NEU3: variants seen among roughly 807,000 people sequenced by gnomAD.
NEU3 encodes the protein sialidase-3.
In NEU3, 10 loss-of-function variants were observed where a neutral mutation model predicts 11.4. The ratio of observed to expected loss-of-function variants is 0.88; its 90% CI spans 0.54 to 1.49. NEU3 has a LOEUF of 1.49. Among genes scored for constraint, NEU3 ranks in the 40% most tolerant of loss-of-function variants. The pLI, the probability that NEU3 is intolerant of heterozygous loss-of-function variation, is 0.00. For missense variants in NEU3, 529 were observed against 581.8 expected (o/e 0.91, Z 0.93); for synonymous variants, 212 against 228.2 (o/e 0.93, Z 0.64).
chr11:75,005,421 C>T lies in NEU3; in HGVS notation c.315C>T (p.Pro105=). The part of the protein sequence containing the change: ...LRIGQLVQWG[P]LKPLMEATLP... ...CCCTTCTCCTTGTCTAGTGGGGGCC[C>T]CTGAAGCCACTGATGGAAGCCACAC... The change falls in exon 3 of 3, where the codon CCC becomes CCT. Residue 105 remains proline, a synonymous_variant. Transcript: ENST00000294064. The T allele has an allele frequency of 1.2e-6, 2 of 1,607,384 alleles. No homozygotes were observed. The highest frequency in any genetic ancestry group is 1.7e-5 in the Admixed American group (1 of 59,514).
rs1290458156 is a variant in NEU3, at chr11:74,994,707, G to A, written c.293G>A (p.Gly98Glu). 6.2e-7 allele frequency: 1 copy of A among 1,613,852 alleles called. No individual in the cohort carries two copies. Among genetic ancestry groups the A allele is most frequent in the Non-Finnish European group, 8.5e-7 (1 of 1,179,848 alleles). The change falls in exon 2 of 3, where the codon GGG (glycine) becomes GAG (glutamate). Residue 98 changes from glycine (G) to glutamate (E), a missense_variant. Gly to Glu is a moderately conservative substitution (Grantham distance 98, BLOSUM62 -2). Coordinates refer to ENST00000294064, the MANE Select transcript of NEU3 (RefSeq NM_006656.6). ...HLVLRRGLRI[G>E]QLVQWGPLKP... ...GTGCTGAGGCGAGGGTTGAGGATTG[G>A]GCAGTTGGTACAGGTGACTCTTCAT...
upstream of NEU3, among the ~76,000 whole-genome samples, chr11:74,987,005 G>T (rs562932519): frequency 2.0e-5 from 3 of 152,284 alleles, no homozygotes; most frequent in African/African-American, 7.2e-5. Context: ...AAAGTAGGAA[G>T]GGAAGAAAAG....
In NEU3 at chr11:75,006,363, T is replaced by G; in HGVS notation, c.1257T>G (p.Phe419Leu). The change falls in exon 3 of 3, where the codon TTT (phenylalanine) becomes TTG (leucine). Residue 419 changes from phenylalanine (F) to leucine (L), a missense_variant. Transcript: ENST00000294064. ...LEEEGLFGCL[F>L]ECGTKQECEQ... ...AGGAGGGCTTGTTTGGGTGTTTGTT[T>G]GAATGTGGGACCAAGCAAGAGTGTG... The G allele has an allele frequency of 5.0e-6, 8 of 1,614,010 alleles. No individual in the cohort carries two copies. Among genetic ancestry groups the G allele is most frequent in the South Asian group, 1.1e-5 (1 of 91,082 alleles).
upstream of NEU3, chr11:74,988,321 C>T (rs1787536656): frequency 6.6e-6 from 1 of 152,196 alleles, no homozygotes; most frequent in South Asian, 2.1e-4. Flanking sequence ...AGGCATAAGC[C>T]ACCAGGCCCA....
intron 2 of NEU3, among the ~76,000 whole-genome samples, chr11:75,001,847 T>A (rs933013798): frequency 6.6e-6 from 1 of 152,248 alleles, no homozygotes; most frequent in African/African-American, 2.4e-5. Context: ...GACTGCTTAA[T>A]AAGTAAGCTG....
Position 75,005,814 on chromosome 11 carries a change from C to T in NEU3, c.708C>T (p.Ile236=), listed in dbSNP as rs548397936. The T allele has an allele frequency of 6.2e-7, 1 of 1,614,022 alleles. No homozygotes were observed. Among genetic ancestry groups the T allele is most frequent in the Admixed American group, 1.7e-5 (1 of 60,026 alleles). The part of the protein sequence containing the change: ...PCKTRPHSLM[I]YSDDLGVTWH... Reference sequence around the variant, plus strand: ...AAACCAGGCCTCATTCTCTGATGATCTACAGTGATGACCTAGGGGTCACAT... The same window carrying T: ...AAACCAGGCCTCATTCTCTGATGATTTACAGTGATGACCTAGGGGTCACAT... Residue 236 remains isoleucine, a synonymous_variant, in exon 3 of 3, where the codon ATC becomes ATT. Coordinates refer to ENST00000294064, the MANE Select transcript of NEU3 (RefSeq NM_006656.6).
At position 75,007,644 on chromosome 11, in the gene NEU3, T is replaced by A. The variant is rs904944321; in HGVS notation, c.*1152T>A. The A allele has an allele frequency of 1.3e-5, 2 of 152,152 alleles. No homozygotes were observed. Among genetic ancestry groups the A allele is most frequent in the African/African-American group, 4.8e-5 (2 of 41,422 alleles). 9.4% of individuals were successfully genotyped at this position (152,152 alleles called of 1,614,324 possible). On this transcript the variant is annotated 3_prime_UTR_variant, in exon 3 of 3. Coordinates refer to ENST00000294064, the MANE Select transcript of NEU3 (RefSeq NM_006656.6). ...CCCCAGATCTCAGAATCAGGCCTAT[T>A]TGTGTAGGCCCATGGAAATCACTAC...
chr11:74,991,746 C>A (rs1214418767), intron 1 of NEU3, among the ~76,000 whole-genome samples: 1 of 152,220 alleles, frequency 6.6e-6, no homozygotes, highest in African/African-American at 2.4e-5. Flanking sequence ...TGCCTATAGG[C>A]TTTTCACATC....
At chr11:74,984,176 G>C (rs1948654042), upstream of NEU3, among the ~76,000 whole-genome samples, 1 of 152,186 alleles carries the variant, frequency 6.6e-6, no homozygotes, top group Non-Finnish European at 1.5e-5. Context: ...AATTCTTCAT[G>C]GGTCTCTAGC....
chr11:74,992,514 A>G (rs1948744043), intron 1 of NEU3, among the ~76,000 whole-genome samples: 1 of 152,220 alleles, frequency 6.6e-6, no homozygotes, highest in Non-Finnish European at 1.5e-5. Flanking sequence ...TTGAGGAAAA[A>G]GTAATTCTAA....
chr11:74,993,342 C>A (rs1165937100), intron 1 of NEU3, among the ~76,000 whole-genome samples: 3 of 152,052 alleles, frequency 2.0e-5, no homozygotes, highest in Non-Finnish European at 4.4e-5. Context: ...TAGCTGGGAC[C>A]ACAGGTGCCT....
intron 2 of NEU3, among the ~76,000 whole-genome samples, chr11:75,002,716 C>T (rs1438982165): frequency 6.6e-6 from 1 of 152,192 alleles, no homozygotes; most frequent in Non-Finnish European, 1.5e-5. Flanking sequence ...AATAGAATGT[C>T]GTCAGCATCT....
intron 2 of NEU3, among the ~76,000 whole-genome samples, chr11:74,998,095 G>A (rs1948810901): frequency 6.6e-6 from 1 of 152,184 alleles, no homozygotes; most frequent in African/African-American, 2.4e-5. Context: ...GGAATAGGCT[G>A]AAGGAAAGGA....
chr11:75,003,336 C>T (rs974593543), intron 2 of NEU3, among the ~76,000 whole-genome samples: 3 of 152,120 alleles, frequency 2.0e-5, no homozygotes, highest in Non-Finnish European at 4.4e-5. Context: ...AGTAGGATAC[C>T]CTAAGGGAAA....
the NEU3 span, among the ~76,000 whole-genome samples, chr11:74,981,115 G>T: frequency 6.6e-6 from 1 of 152,198 alleles, no homozygotes; most frequent in Non-Finnish European, 1.5e-5. Context: ...GTCATGCCAG[G>T]CTTAGACCCA....
upstream of NEU3, among the ~76,000 whole-genome samples, chr11:74,986,496 AGTT>A (rs1948665894): frequency 6.6e-6 from 1 of 152,274 alleles, no homozygotes; most frequent in South Asian, 2.1e-4. Context: ...ATTTTTAAAT[AGTT>A]GTAAGACTTC....
At chr11:74,983,613 T>C (rs927792715), upstream of NEU3, among the ~76,000 whole-genome samples, 7 of 152,254 alleles carry the variant, frequency 4.6e-5, no homozygotes, top group Admixed American at 2.0e-4. Flanking sequence ...CAGGCAGTTA[T>C]CACTATCCTG....
chr11:74,994,260 C>T (rs1328715095), intron 1 of NEU3, among the ~76,000 whole-genome samples: 6 of 152,208 alleles, frequency 3.9e-5, no homozygotes, highest in Non-Finnish European at 8.8e-5. Context: ...CTCCAAGATA[C>T]ATACTTGATA....
Position 75,006,473 on chromosome 11 carries a change from G to A in NEU3, c.1367G>A (p.Ser456Asn), listed in dbSNP as rs762887602. ...TGCACCAGCCCTGGTAGGAACCCAA[G>A]CCAATTCAAAAGCAATTAATTGGCT... ...GDCTSPGRNPSQFKSN is the reference protein window; with the variant it reads ...GDCTSPGRNPNQFKSN Residue 456 changes from serine to asparagine, a missense_variant, in exon 3 of 3, where the codon AGC (serine) becomes AAC (asparagine). Coordinates refer to ENST00000294064, the MANE Select transcript of NEU3 (RefSeq NM_006656.6). 7 of 1,610,910 alleles carry A rather than the reference G, an allele frequency of 4.3e-6. No individual in the cohort carries two copies. In the South Asian group the frequency reaches 7.7e-5, roughly 18 times the overall value.
Sources: gnomAD v4.1 joint callset for allele counts (sites outside exome capture counted in the v4.1 genomes callset) on GRCh38, gnomAD v4.1.1 for gene constraint, MANE v1.5 for transcripts, NCBI Gene and HGNC (gene_info 2026-07-23, HGNC 2026-07-21) for gene names.